The following ERC2 variants were observed in gnomAD, a reference collection of about 807,000 sequenced individuals.
ERC2 encodes the protein ERC protein 2.
A neutral mutation model predicts 114.8 loss-of-function variants in ERC2; 42 were observed. The ratio of observed to expected loss-of-function variants is 0.37; its 90% CI spans 0.29 to 0.47. The LOEUF (loss-of-function observed/expected upper bound fraction) is 0.47. Ranked by LOEUF, ERC2 falls within the 20% of genes least tolerant of loss-of-function variation. ERC2 has a pLI of 0.99. For synonymous variants in ERC2, 454 were observed against 425.5 expected (o/e 1.07, Z -0.82); for missense variants, 939 against 1,150.7 (o/e 0.82, Z 2.66).
At chr3:56,261,362 C>T (rs1205815569) in intron 3 of ERC2, among the ~76,000 whole-genome samples, 5 of 150,372 alleles carry the variant, frequency 3.3e-5, no homozygotes, top group Non-Finnish European at 7.4e-5. Flanking sequence ...ATAAACGGCT[C>T]TATCTACACT....
intron 15 of ERC2, among the ~76,000 whole-genome samples, chr3:55,720,927 C>T (rs1267839614): frequency 6.6e-6 from 1 of 152,182 alleles, no homozygotes; most frequent in Non-Finnish European, 1.5e-5. Context: ...AGAGAAGATG[C>T]TTCAAGATAA....
intron 14 of ERC2, among the ~76,000 whole-genome samples, chr3:55,844,486 C>A (rs1019466008): frequency 6.6e-6 from 1 of 151,994 alleles, no homozygotes; most frequent in Non-Finnish European, 1.5e-5. Context: ...CAGTTCAAAG[C>A]CAGGCAAAAT....
At chr3:55,832,634 T>C (rs1422187619) in intron 14 of ERC2, among the ~76,000 whole-genome samples, 1 of 152,012 alleles carries the variant, frequency 6.6e-6, no homozygotes, top group Non-Finnish European at 1.5e-5. Flanking sequence ...AGACCAAAAA[T>C]AGATAAAACC....
At chr3:55,933,055 A>G (rs2066206313) in intron 13 of ERC2, among the ~76,000 whole-genome samples, 1 of 152,156 alleles carries the variant, frequency 6.6e-6, no homozygotes, top group South Asian at 2.1e-4. Context: ...CTAAAACTAC[A>G]AAAATTAACC....
At chr3:55,514,749 G>T (rs2052369815) in intron 17 of ERC2, among the ~76,000 whole-genome samples, 1 of 152,186 alleles carries the variant, frequency 6.6e-6, no homozygotes, top group African/African-American at 2.4e-5. Context: ...GCTTCCTGGA[G>T]CCTTCAGATT....
intron 14 of ERC2, among the ~76,000 whole-genome samples, chr3:55,745,675 C>T (rs2148952085): frequency 6.6e-6 from 1 of 152,346 alleles, no homozygotes; most frequent in South Asian, 2.1e-4. Context: ...AAACCAAATA[C>T]ATCTGGACTT....
chr3:55,535,550 C>G (rs1039196014), intron 17 of ERC2, among the ~76,000 whole-genome samples: 1 of 152,110 alleles, frequency 6.6e-6, no homozygotes, highest in African/African-American at 2.4e-5. Context: ...TGTGAGCCAC[C>G]GGCAGCAGAT....
chr3:55,660,651 T>G (rs534519709), intron 17 of ERC2, among the ~76,000 whole-genome samples: 1 of 152,316 alleles, frequency 6.6e-6, no homozygotes, highest in Admixed American at 6.5e-5. Flanking sequence ...ATCAGCAATT[T>G]TGTATATGGA....
chr3:55,688,331 G>T (rs1414910500), intron 16 of ERC2, among the ~76,000 whole-genome samples: 1 of 152,186 alleles, frequency 6.6e-6, no homozygotes, highest in African/African-American at 2.4e-5. Flanking sequence ...GTGTCAGGAG[G>T]TTCTTTGTGC....
At chr3:56,097,876 C>T (rs2078147544) in intron 6 of ERC2, among the ~76,000 whole-genome samples, 1 of 152,164 alleles carries the variant, frequency 6.6e-6, no homozygotes, top group Admixed American at 6.5e-5. Flanking sequence ...AAACAGTAAA[C>T]ATTTGCAGTG....
At chr3:55,624,356 AGAG>A (rs2059429778) in intron 17 of ERC2, among the ~76,000 whole-genome samples, 1 of 152,224 alleles carries the variant, frequency 6.6e-6, no homozygotes, top group East Asian at 1.9e-4. Flanking sequence ...TTGGAAATAA[AGAG>A]GAACTGACAA....
chr3:56,303,214 A>C (rs185216338), intron 2 of ERC2, among the ~76,000 whole-genome samples: 28 of 152,340 alleles, frequency 1.8e-4, no homozygotes, highest in Admixed American at 7.8e-4. Flanking sequence ...CTAGGAGCAC[A>C]AATAGAATTT....
At chr3:55,532,855 C>G (rs946872596) in intron 17 of ERC2, among the ~76,000 whole-genome samples, 1 of 152,194 alleles carries the variant, frequency 6.6e-6, no homozygotes, top group Non-Finnish European at 1.5e-5. Flanking sequence ...CTTGGTAGAG[C>G]CTGACCCAAG....
chr3:55,526,191 G>T (rs1414931033), intron 17 of ERC2, among the ~76,000 whole-genome samples: 1 of 152,148 alleles, frequency 6.6e-6, no homozygotes, highest in African/African-American at 2.4e-5. Context: ...GCAAGGAAGG[G>T]TCTCCCCTAG....
intron 1 of ERC2, among the ~76,000 whole-genome samples, chr3:56,444,830 C>T (rs2062487662): frequency 6.6e-6 from 1 of 152,176 alleles, no homozygotes; most frequent in African/African-American, 2.4e-5. Context: ...AAGATTTTGC[C>T]AACTTAAAAT....
intron 2 of ERC2, among the ~76,000 whole-genome samples, chr3:56,303,503 T>C (rs560567360): frequency 6.6e-6 from 1 of 152,238 alleles, no homozygotes; most frequent in Non-Finnish European, 1.5e-5. Context: ...CTTCCATTTC[T>C]AGGCTTCCGG....
At chr3:55,652,360 T>A (rs914993893) in intron 17 of ERC2, among the ~76,000 whole-genome samples, 7 of 152,148 alleles carry the variant, frequency 4.6e-5, no homozygotes, top group African/African-American at 1.7e-4. Context: ...TTATTTTTTT[T>A]CCCCCAACTA....
chr3:55,630,005 T>G (rs1197303057), intron 17 of ERC2, among the ~76,000 whole-genome samples: 1 of 152,048 alleles, frequency 6.6e-6, no homozygotes, highest in Non-Finnish European at 1.5e-5. Context: ...TACCATGAAT[T>G]TGGTAAATCA....
intron 2 of ERC2, among the ~76,000 whole-genome samples, chr3:56,431,429 C>T (rs1015001618): frequency 2.6e-5 from 4 of 152,198 alleles, no homozygotes; most frequent in African/African-American, 4.8e-5. Context: ...GCTGTGGCAA[C>T]GTTTGAAGCC....
Sources: allele counts gnomAD v4.1 joint callset (sites outside exome capture counted in the v4.1 genomes callset), GRCh38; gene constraint gnomAD v4.1.1; transcripts MANE v1.5; gene names NCBI Gene and HGNC (gene_info 2026-07-23, HGNC 2026-07-21).